POLI: variants seen among roughly 807,000 people sequenced by gnomAD.
POLI encodes DNA polymerase iota.
Under a neutral mutation model 51.6 loss-of-function variants are expected in POLI, and 58 were observed. That is an observed-to-expected ratio of 1.12 (90% CI 0.91 to 1.40). The LOEUF (loss-of-function observed/expected upper bound fraction) is 1.40. Among genes scored for constraint, POLI ranks in the 40% most tolerant of loss-of-function variants. The pLI, the probability that POLI is intolerant of heterozygous loss-of-function variation, is 0.00. For missense variants in POLI, 921 were observed against 871.3 expected (o/e 1.06, Z -0.72); for synonymous variants, 322 against 299.7 (o/e 1.07, Z -0.77).
At chr18:54,292,519 G>C (rs2088073039) in intron 9 of POLI, among the ~76,000 whole-genome samples, 1 of 152,050 alleles carries the variant, frequency 6.6e-6, no homozygotes. Flanking sequence ...TAGTTGTAAA[G>C]TTAACAGTGT....
intron 1 of POLI, 77 bp from the exon 2 acceptor site, chr18:54,271,283 A>G (rs1271785446): frequency 2.4e-5 from 30 of 1,256,618 alleles, no homozygotes; most frequent in Non-Finnish European, 3.0e-5. Context: ...CACAGGTACC[A>G]TGTTTTAAGG....
intron 3 of POLI, chr18:54,311,194 G>A: frequency 1.4e-6 from 1 of 702,734 alleles, no homozygotes; most frequent in Non-Finnish European, 1.7e-6. Flanking sequence ...CAGTGATAAG[G>A]AACCAGGAAT....
At chr18:54,313,468 A>G (rs2088695892) in intron 3 of POLI, among the ~76,000 whole-genome samples, 1 of 152,082 alleles carries the variant, frequency 6.6e-6, no homozygotes. Flanking sequence ...GAATTTTAGA[A>G]TAGTTTTTCT....
At chr18:54,280,621 A>G (rs760235789) in intron 4 of POLI, 46 bp from the exon 5 acceptor site, 1 of 1,306,714 alleles carries the variant, frequency 7.7e-7, no homozygotes, top group Non-Finnish European at 1.1e-6. Flanking sequence ...GTGAAAAAGA[A>G]AAAGGTTTTT....
At chr18:54,299,010 G>C (rs1200874582), downstream of POLI, among the ~76,000 whole-genome samples, 1 of 152,122 alleles carries the variant, frequency 6.6e-6, no homozygotes, top group Non-Finnish European at 1.5e-5. Flanking sequence ...ATTGTAAATT[G>C]AAAATATCAT....
chr18:54,283,215 C>A (rs2087597050), intron 6 of POLI, among the ~76,000 whole-genome samples, 200 bp downstream of exon 6: 1 of 152,026 alleles, frequency 6.6e-6, no homozygotes, highest in Non-Finnish European at 1.5e-5. Flanking sequence ...ATTTTGATAT[C>A]TTAAGTTAGC....
At chr18:54,317,981 T>C (rs996927843) in intron 3 of POLI, among the ~76,000 whole-genome samples, 16 of 152,298 alleles carry the variant, frequency 1.1e-4, no homozygotes, top group African/African-American at 3.1e-4. Flanking sequence ...TTAAAACCTA[T>C]TCTAAGATTT....
chr18:54,299,385 A>G (rs2088450929), downstream of POLI, among the ~76,000 whole-genome samples: 1 of 152,182 alleles, frequency 6.6e-6, no homozygotes, highest in Admixed American at 6.5e-5. Flanking sequence ...CAGTGAACCA[A>G]GATCCCACCA....
chr18:54,280,979 G>A (rs991788882), intron 5 of POLI, 76 bp downstream of exon 5: 1 of 763,198 alleles, frequency 1.3e-6, no homozygotes, highest in Non-Finnish European at 2.1e-6. Flanking sequence ...TAGATACAAT[G>A]TAATTAATTC....
intron 4 of POLI, among the ~76,000 whole-genome samples, chr18:54,320,687 C>T (rs868672381): frequency 1.1e-4 from 16 of 151,932 alleles, no homozygotes; most frequent in Middle Eastern, 6.8e-3. Context: ...ATATTAATAA[C>T]GTAAACACAT....
In POLI at chr18:54,294,296, C is replaced by T. The variant is rs1157300706; in HGVS notation, c.2052C>T (p.Asp684=). The change falls in exon 10 of 10, where the codon GAC becomes GAT. Residue 684 remains aspartate (D), a synonymous_variant. Coordinates refer to ENST00000579534, the MANE Select transcript of POLI (RefSeq NM_007195.3). ...TDSHKQTVAT[D]SHEGLTENRE... ...GCCATAAGCAAACAGTAGCAACAGA[C>T]TCTCATGAAGGACTTACAGAAAATA... 1.2e-6 allele frequency: 2 copies of T among 1,613,380 alleles called. No individual in the cohort carries two copies. Among genetic ancestry groups the T allele is most frequent in the Non-Finnish European group, 8.5e-7 (1 of 1,179,554 alleles).
In POLI at chr18:54,296,135, A is replaced by C. The variant is rs1481876570; in HGVS notation, c.*1668A>C. The C allele has an allele frequency of 2.0e-6, 2 of 982,894 alleles. No homozygotes were observed. Among genetic ancestry groups the C allele is most frequent in the Non-Finnish European group, 2.4e-6 (2 of 827,728 alleles). The allele number at this position is 982,894 out of a possible 1,614,324, so 60.9% of individuals were successfully genotyped here. On this transcript the variant is annotated 3_prime_UTR_variant, in exon 10 of 10. Coordinates refer to ENST00000579534, the MANE Select transcript of POLI (RefSeq NM_007195.3). The stretch of plus-strand genomic sequence containing the variant: ...GTATTCCAGTAAGGTAATTAAACTT[A>C]TGAAAAGGGTATATAACTTTTTGTA...
intron 9 of POLI, 66 bp downstream of exon 9, chr18:54,292,104 C>A: frequency 1.1e-6 from 1 of 943,422 alleles, no homozygotes; most frequent in Non-Finnish European, 1.6e-6. Flanking sequence ...GGTTACATTA[C>A]AAATCTAAGT....
At chr18:54,286,395 A>G (rs550118270) in intron 7 of POLI, among the ~76,000 whole-genome samples, 3 of 152,146 alleles carry the variant, frequency 2.0e-5, no homozygotes, top group Non-Finnish European at 2.9e-5. Context: ...CTTCTAAAAA[A>G]TGCATGTACT....
chr18:54,291,054 GCA>G (rs1036964030), intron 8 of POLI, among the ~76,000 whole-genome samples: 8 of 152,246 alleles, frequency 5.3e-5, no homozygotes, highest in African/African-American at 1.9e-4. Context: ...CCCATGATGT[GCA>G]TGTAGCCCTT....
Position 54,277,689 on chromosome 18 carries a change from T to G in POLI, c.407-14T>G, listed in dbSNP as rs1234247099. On this transcript the variant is annotated splice_polypyrimidine_tract_variant and intron_variant, in intron 3 of 9. Coordinates refer to ENST00000579534, the MANE Select transcript of POLI (RefSeq NM_007195.3). ...CTTCATTTACATTTGTGCTCCAATA[T>G]TATTTCAATTTAGAATTACTGGAAG... is the stretch of plus-strand genomic sequence containing the variant. The G allele has an allele frequency of 8.2e-5, 126 of 1,539,178 alleles. No individual in the cohort carries two copies. The highest frequency in any genetic ancestry group is 1.1e-4 in the Non-Finnish European group (121 of 1,121,714).
intron 4 of POLI, among the ~76,000 whole-genome samples, chr18:54,278,919 A>C (rs1295784881): frequency 2.6e-5 from 4 of 152,338 alleles, no homozygotes; most frequent in African/African-American, 9.6e-5. Flanking sequence ...TCTACAGAAT[A>C]GTTCTCCACA....
At chr18:54,304,507 A>G (rs1355065503) in intron 3 of POLI, among the ~76,000 whole-genome samples, 3 of 152,192 alleles carry the variant, frequency 2.0e-5, no homozygotes, top group Non-Finnish European at 4.4e-5. Flanking sequence ...TTCTCTGATG[A>G]CCAGTGATGA....
At chr18:54,274,747 C>G (rs1480274160) in intron 3 of POLI, 1 of 151,942 alleles carries the variant, frequency 6.6e-6, no homozygotes, top group Non-Finnish European at 1.5e-5. Context: ...TTGCGAAAAC[C>G]GCAATTACTT....
Sources: gnomAD v4.1 joint callset for allele counts (sites outside exome capture counted in the v4.1 genomes callset) on GRCh38, gnomAD v4.1.1 for gene constraint, MANE v1.5 for transcripts, NCBI Gene and HGNC (gene_info 2026-07-23, HGNC 2026-07-21) for gene names.